The following SPOCK1 variants were observed in gnomAD, a reference collection of about 807,000 sequenced individuals.
SPOCK1 encodes SPARC (osteonectin), cwcv and kazal like domains proteoglycan 1, also known as testican-1.
Under a neutral mutation model 55.3 loss-of-function variants are expected in SPOCK1, and 23 were observed. The observed-to-expected ratio is 0.42, with a 90% confidence interval of 0.30 to 0.59. SPOCK1 has a LOEUF of 0.59. Among genes scored for constraint, SPOCK1 ranks in the 20% least tolerant of loss-of-function variants. The pLI is 0.22. For synonymous variants in SPOCK1, 226 were observed against 221.0 expected (o/e 1.02, Z -0.20); for missense variants, 499 against 552.5 (o/e 0.90, Z 0.97).
intron 9 of SPOCK1, among the ~76,000 whole-genome samples, chr5:136,981,007 T>A (rs1049123466): frequency 6.6e-6 from 1 of 152,168 alleles, no homozygotes; most frequent in Non-Finnish European, 1.5e-5. Context: ...CCATTTCAAC[T>A]AGGTTTTCAT....
intron 2 of SPOCK1, among the ~76,000 whole-genome samples, chr5:137,341,056 A>T (rs1750410796): frequency 6.6e-6 from 1 of 151,946 alleles, no homozygotes; most frequent in African/African-American, 2.4e-5. Context: ...GCACTCCACA[A>T]CTCTGAAGTC....
At chr5:137,225,686 A>T (rs1423046408) in intron 3 of SPOCK1, among the ~76,000 whole-genome samples, 2 of 152,234 alleles carry the variant, frequency 1.3e-5, no homozygotes, top group Non-Finnish European at 2.9e-5. Context: ...AGGCTTGGGA[A>T]AACACAGGTT....
intron 6 of SPOCK1, among the ~76,000 whole-genome samples, chr5:136,996,522 G>A (rs1013280279): frequency 6.6e-6 from 1 of 151,972 alleles, no homozygotes; most frequent in Admixed American, 6.6e-5. Context: ...ATTCCCTCCC[G>A]CCCTCCATCC....
At chr5:137,297,786 T>C (rs1422941584) in intron 2 of SPOCK1, among the ~76,000 whole-genome samples, 2 of 152,038 alleles carry the variant, frequency 1.3e-5, no homozygotes, top group African/African-American at 4.8e-5. Context: ...TCAGTGAATG[T>C]CTTCAATCGA....
chr5:137,223,168 C>G (rs1283217558), intron 3 of SPOCK1, among the ~76,000 whole-genome samples: 1 of 152,070 alleles, frequency 6.6e-6, no homozygotes, highest in East Asian at 1.9e-4. Context: ...AGGATGGAGA[C>G]AGGAACAGAC....
chr5:137,013,875 C>T (rs1364562732), intron 6 of SPOCK1, among the ~76,000 whole-genome samples: 1 of 151,990 alleles, frequency 6.6e-6, no homozygotes, highest in Non-Finnish European at 1.5e-5. Context: ...TTTTTAAGAG[C>T]TTGCCTTGGG....
intron 3 of SPOCK1, among the ~76,000 whole-genome samples, chr5:137,252,285 C>T: frequency 6.6e-6 from 1 of 152,138 alleles, no homozygotes; most frequent in Non-Finnish European, 1.5e-5. Context: ...GAAATTTATA[C>T]CAGCAGGATA....
At chr5:137,051,142 TA>T (rs1336857086) in intron 6 of SPOCK1, among the ~76,000 whole-genome samples, 1 of 152,202 alleles carries the variant, frequency 6.6e-6, no homozygotes, top group Non-Finnish European at 1.5e-5. Flanking sequence ...AATTATTGAG[TA>T]AAAGTCATTT....
intron 5 of SPOCK1, among the ~76,000 whole-genome samples, chr5:137,084,795 G>A (rs190081346): frequency 8.7e-4 from 133 of 152,110 alleles, no homozygotes; most frequent in African/African-American, 3.1e-3. Context: ...AGTCCTCTCA[G>A]CTGCCACTGA....
chr5:137,226,384 C>G (rs925850574), intron 3 of SPOCK1, among the ~76,000 whole-genome samples: 1 of 152,278 alleles, frequency 6.6e-6, no homozygotes, highest in Non-Finnish European at 1.5e-5. Flanking sequence ...CTCCTTGCCC[C>G]GAGGGGTGAA....
At chr5:137,344,235 T>C (rs1163187967) in intron 2 of SPOCK1, among the ~76,000 whole-genome samples, 2 of 152,230 alleles carry the variant, frequency 1.3e-5, no homozygotes, top group East Asian at 1.9e-4. Context: ...GCATGGCCCA[T>C]GCTCAAGTGT....
intron 6 of SPOCK1, among the ~76,000 whole-genome samples, chr5:137,050,975 T>A (rs1195938772): frequency 6.6e-6 from 1 of 152,190 alleles, no homozygotes; most frequent in Non-Finnish European, 1.5e-5. Flanking sequence ...ACAACTTAAC[T>A]CTAAAGTTAT....
At chr5:137,016,495 T>C (rs927114997) in intron 6 of SPOCK1, among the ~76,000 whole-genome samples, 5 of 152,122 alleles carry the variant, frequency 3.3e-5, no homozygotes, top group Non-Finnish European at 7.4e-5. Context: ...ACCTAGAAAA[T>C]AAATCCTATA....
rs767420854 is a variant in SPOCK1, at chr5:137,267,060, A to G, written c.187-5T>C. 1 of 1,611,746 alleles carries G rather than the reference A, an allele frequency of 6.2e-7. No homozygotes were observed. The highest frequency in any genetic ancestry group is 1.1e-5 in the South Asian group (1 of 90,900). ...CCAGTTTCTGAAATAATCATCCTAT[A>G]TAAGGAAAAAATAGAAAACAAAGGT... On this transcript the variant is annotated splice_polypyrimidine_tract_variant and splice_region_variant and intron_variant, in intron 2 of 10. Coordinates refer to ENST00000394945, the MANE Select transcript of SPOCK1 (RefSeq NM_004598.4).
chr5:137,307,067 T>C (rs917455645), intron 2 of SPOCK1, among the ~76,000 whole-genome samples: 32 of 152,238 alleles, frequency 2.1e-4, no homozygotes, highest in African/African-American at 6.8e-4. Context: ...GTTGTTTATC[T>C]AACCTATTTG....
At chr5:137,474,127 G>C (rs114052124) in intron 2 of SPOCK1, among the ~76,000 whole-genome samples, 2 of 152,064 alleles carry the variant, frequency 1.3e-5, no homozygotes, top group Admixed American at 1.3e-4. Flanking sequence ...AAAAGACTAT[G>C]TATACGGTGC....
chr5:136,979,201 A>G, intron 10 of SPOCK1, 131 bp downstream of exon 10: 1 of 1,321,860 alleles, frequency 7.6e-7, no homozygotes, highest in Non-Finnish European at 1.0e-6. Flanking sequence ...TTTCAGGGTT[A>G]CTATGCCTCT....
intron 6 of SPOCK1, among the ~76,000 whole-genome samples, chr5:137,049,173 T>A (rs1262763196): frequency 2.4e-5 from 1 of 41,816 alleles, no homozygotes; most frequent in Non-Finnish European, 5.5e-5. Flanking sequence ...ATTTCCTGAA[T>A]CTGAACGTTG....
At chr5:137,418,775 A>T (rs983689115) in intron 2 of SPOCK1, among the ~76,000 whole-genome samples, 5 of 152,074 alleles carry the variant, frequency 3.3e-5, no homozygotes, top group African/African-American at 4.8e-5. Context: ...GATGGTAGTT[A>T]ATTTTGCTGT....
Sources: gnomAD v4.1 joint callset for allele counts (sites outside exome capture counted in the v4.1 genomes callset) on GRCh38, gnomAD v4.1.1 for gene constraint, MANE v1.5 for transcripts, NCBI Gene and HGNC (gene_info 2026-07-23, HGNC 2026-07-21) for gene names.